The following HMCN1 variants were observed in gnomAD, a reference collection of about 807,000 sequenced individuals.
HMCN1 encodes the protein hemicentin-1.
HMCN1 carries 321 observed loss-of-function variants against 625.9 expected under a neutral mutation model. That is an observed-to-expected ratio of 0.51 (90% CI 0.47 to 0.56). The LOEUF (loss-of-function observed/expected upper bound fraction) is 0.56, where lower values mean the gene tolerates loss of function less well. HMCN1 is among the 20% of genes least tolerant of loss of function. The pLI is 0.00. For synonymous variants in HMCN1, 2,425 were observed against 2,417.6 expected, an observed-to-expected ratio of 1.00 and a Z score of -0.09; for missense variants, 6,588 against 6,887.3, an observed-to-expected ratio of 0.96 and a Z score of 1.54.
rs138445049 is a variant in HMCN1, at chr1:185,736,161, G to A, written c.268+1114G>A. ...TTTTAACTATTAAACAATGGCACTG[G>A]GAGAAATTTAAAGATATATAGAACT... On this transcript the variant is annotated intron_variant, in intron 1 of 106. Coordinates refer to ENST00000271588, the MANE Select transcript of HMCN1 (RefSeq NM_031935.3). Among the ~76,000 whole-genome samples, 37 of 152,128 alleles carry A rather than the reference G, an allele frequency of 2.4e-4. No homozygotes were observed. The East Asian group carries it at 6.6e-3, about 27-fold the overall frequency.
At chr1:185,967,256 T>G (rs1221157711) in intron 14 of HMCN1, among the ~76,000 whole-genome samples, 1 of 152,082 alleles carries the variant, frequency 6.6e-6, no homozygotes, top group African/African-American at 2.4e-5. Context: ...AGTCTTTTAT[T>G]CCCCCAAACT....
chr1:186,045,904 A>C (rs1656533790), intron 41 of HMCN1, 41 bp downstream of exon 41: 1 of 1,449,618 alleles, frequency 6.9e-7, no homozygotes, highest in Non-Finnish European at 9.7e-7. Flanking sequence ...ATGTTATTAG[A>C]AGTTCATGGT....
In HMCN1 at chr1:186,103,597, C is replaced by T. The variant is rs1382158216; in HGVS notation, c.10699C>T (p.Arg3567Trp). 1.3e-5 allele frequency: 21 copies of T among 1,613,758 alleles called. No homozygotes were observed. The highest frequency in any genetic ancestry group is 2.2e-5 in the South Asian group (2 of 91,072). ...APKMTWMKDG[R>W]PLPQTDQVQT... ...TAAAATGACCTGGATGAAAGATGGC[C>T]GGCCCCTTCCACAGACGGATCAAGT... Residue 3567 changes from arginine (R) to tryptophan (W), a missense_variant, in exon 69 of 107, where the codon CGG (arginine) becomes TGG (tryptophan). Arg to Trp is a moderately radical substitution (Grantham distance 101). Around this residue, in one of 3 missense-constraint regions of HMCN1, gnomAD observed 4,628 missense variants for 4,853.1 expected, o/e 0.95. Coordinates refer to ENST00000271588, the MANE Select transcript of HMCN1 (RefSeq NM_031935.3).
chr1:185,815,346 C>A (rs1044704327), intron 1 of HMCN1, among the ~76,000 whole-genome samples: 1 of 149,954 alleles, frequency 6.7e-6, no homozygotes, highest in Non-Finnish European at 1.5e-5. Context: ...AGTTCTATGT[C>A]AGTTGTTTAC....
intron 1 of HMCN1, among the ~76,000 whole-genome samples, chr1:185,757,521 CTT>C (rs1227543172): frequency 2.0e-5 from 3 of 152,176 alleles, no homozygotes; most frequent in Non-Finnish European, 1.5e-5. Context: ...TTCTTGGCCA[CTT>C]TATCTGAAGT....
At chr1:186,050,090 A>C (rs186471555) in intron 42 of HMCN1, among the ~76,000 whole-genome samples, 66 of 151,568 alleles carry the variant, frequency 4.4e-4, no homozygotes, top group African/African-American at 1.2e-3. Context: ...TCATTTATTT[A>C]ATAATTTATT....
intron 5 of HMCN1, among the ~76,000 whole-genome samples, chr1:185,910,776 G>C (rs1666370032): frequency 6.6e-6 from 1 of 151,916 alleles, no homozygotes; most frequent in African/African-American, 2.4e-5. Flanking sequence ...TCACCATGTT[G>C]GTCAGGCTGG....
intron 36 of HMCN1, among the ~76,000 whole-genome samples, chr1:186,024,338 G>A (rs1475864903): frequency 6.6e-6 from 1 of 152,102 alleles, no homozygotes; most frequent in Non-Finnish European, 1.5e-5. Context: ...GCTCTTTACA[G>A]CTGTCTCCAG....
At chr1:185,951,689 G>A (rs1468530773) in intron 11 of HMCN1, among the ~76,000 whole-genome samples, 1 of 151,784 alleles carries the variant, frequency 6.6e-6, no homozygotes, top group Non-Finnish European at 1.5e-5. Flanking sequence ...CTACACAGAT[G>A]GGACGTGGCT....
intron 54 of HMCN1, among the ~76,000 whole-genome samples, chr1:186,077,129 G>T (rs1470205106): frequency 6.6e-6 from 1 of 152,052 alleles, no homozygotes; most frequent in African/African-American, 2.4e-5. Context: ...CAAGCATTCA[G>T]ATATACAGGG....
At position 186,087,444 on chromosome 1, in the gene HMCN1, G is replaced by GC. The variant is rs760369550; in HGVS notation, c.9167dup (p.Ser3057LysfsTer3). 1 of 1,612,874 alleles carries GC rather than the reference G, an allele frequency of 6.2e-7. No homozygotes were observed. Among genetic ancestry groups the GC allele is most frequent in the South Asian group, 1.1e-5 (1 of 91,062 alleles). On this transcript the variant is annotated frameshift_variant and splice_region_variant, in exon 60 of 107. Coordinates refer to ENST00000271588, the MANE Select transcript of HMCN1 (RefSeq NM_031935.3). LOFTEE classifies it high-confidence loss of function. ...CCTTCTGTTATTTTCTTCCCTCAGT[G>GC]CCCCCAAGCATTAAAGACCATGACA...
intron 97 of HMCN1, among the ~76,000 whole-genome samples, chr1:186,164,578 C>T (rs1442496101): frequency 1.3e-5 from 2 of 152,080 alleles, no homozygotes; most frequent in South Asian, 2.1e-4. Context: ...TGCCTGTTTC[C>T]CCTTATTTTG....
At chr1:186,128,993 ATTAG>A (rs1374474528) in intron 83 of HMCN1, among the ~76,000 whole-genome samples, 2 of 151,772 alleles carry the variant, frequency 1.3e-5, no homozygotes, top group East Asian at 1.9e-4. Flanking sequence ...TGTTAATGAC[ATTAG>A]TTAATGTTAA....
chr1:186,168,328 A>G (rs1652006989), intron 100 of HMCN1, among the ~76,000 whole-genome samples: 1 of 151,646 alleles, frequency 6.6e-6, no homozygotes. Flanking sequence ...TGGCTGACAA[A>G]TGTAATCCCA....
chr1:185,923,612 T>C lies in HMCN1; in HGVS notation c.1244T>C (p.Phe415Ser). 6.2e-7 allele frequency: 1 copy of C among 1,608,210 alleles called. No individual in the cohort carries two copies. The change falls in exon 8 of 107, where the codon TTC becomes TCC. Residue 415 changes from phenylalanine (F) to serine (S), a missense_variant. Phe to Ser is a radical substitution (Grantham distance 155). Coordinates refer to ENST00000271588, the MANE Select transcript of HMCN1 (RefSeq NM_031935.3). ...GGCTATGATAAAGATGATTACCTCT[T>C]CCAGAGAGTATCAAGTGTTTCCTTT... ...VTGYDKDDYL[F>S]QRVSSVSFSS...
rs181775512 is a variant in HMCN1 at position 186,085,933 on chromosome 1, A to G, written c.8885-313A>G. The stretch of plus-strand genomic sequence containing the variant: ...AATATTAACAAGATTATTCAAATAT[A>G]CTTAATAAAAAGCACATTAGGTCTC... On this transcript the variant is annotated intron_variant, in intron 57 of 106. Coordinates refer to ENST00000271588, the MANE Select transcript of HMCN1 (RefSeq NM_031935.3). Among the ~76,000 whole-genome samples the G allele has an allele frequency of 4.6e-5, 7 of 152,298 alleles. No homozygotes were observed. The East Asian group carries it at 1.4e-3, about 29-fold the overall frequency.
intron 17 of HMCN1, 39 bp downstream of exon 17, chr1:185,981,112 A>G (rs1651602032): frequency 8.3e-7 from 1 of 1,203,532 alleles, no homozygotes. Context: ...TGGTCTTCAA[A>G]GTCATCAGAC....
chr1:186,138,091 G>C, intron 89 of HMCN1, 119 bp downstream of exon 89: 3 of 1,071,810 alleles, frequency 2.8e-6, no homozygotes, highest in Non-Finnish European at 4.2e-6. Flanking sequence ...CTACCCTTGA[G>C]AATATGTTCA....
At chr1:185,784,000 C>A (rs1421163295) in intron 1 of HMCN1, among the ~76,000 whole-genome samples, 1 of 152,212 alleles carries the variant, frequency 6.6e-6, no homozygotes, top group Non-Finnish European at 1.5e-5. Context: ...CCACCCAGTT[C>A]CCAGTTCGAG....
Sources: gnomAD v4.1 joint callset for allele counts (sites outside exome capture counted in the v4.1 genomes callset) on GRCh38, gnomAD v4.1.1 for gene constraint, gnomAD v4.1.1 regional missense constraint, MANE v1.5 for transcripts, NCBI Gene and HGNC (gene_info 2026-07-23, HGNC 2026-07-21) for gene names.